DAB1: variants seen among roughly 807,000 people sequenced by gnomAD.
The protein encoded by DAB1 is disabled homolog 1.
In DAB1, 15 loss-of-function variants were observed where a neutral mutation model predicts 64.6. The ratio of observed to expected loss-of-function variants is 0.23; its 90% CI spans 0.16 to 0.36. The LOEUF is 0.36. DAB1 is among the 10% of genes least tolerant of loss of function. The probability of loss-of-function intolerance (pLI) is 1.00; values close to 1 mark genes in which losing one functional copy is unlikely to be tolerated. For missense variants in DAB1, 596 were observed against 706.7 expected (o/e 0.84, Z 1.78); for synonymous variants, 235 against 251.9 (o/e 0.93, Z 0.64).
rs150745093 is a variant in DAB1 at position 57,416,026 on chromosome 1, G to A, written c.-137+7904C>T. Among the ~76,000 whole-genome samples the A allele has an allele frequency of 9.7e-3, 1,479 of 152,224 alleles. 30 individuals are homozygous for A. The highest frequency in any genetic ancestry group is 0.034 in the African/African-American group (1,394 of 41,520). On this transcript the variant is annotated intron_variant, in intron 1 of 14. Coordinates refer to ENST00000371236, the MANE Select transcript of DAB1 (RefSeq NM_001365792.1). Reference sequence around the variant, plus strand: ...ACCCCATGAGAGAAGGTAATCTACTGTCTCCCACACAGCCATGATTTTGTA... The same window carrying A: ...ACCCCATGAGAGAAGGTAATCTACTATCTCCCACACAGCCATGATTTTGTA...
intron 2 of DAB1, among the ~76,000 whole-genome samples, chr1:57,189,122 CTCTTTCCTCT>C (rs1267390959): frequency 6.6e-6 from 1 of 152,172 alleles, no homozygotes; most frequent in Non-Finnish European, 1.5e-5. Context: ...TAACCTCCTT[CTCTTTCCTCT>C]TCTTTCCTCT....
intron 1 of DAB1, among the ~76,000 whole-genome samples, chr1:57,402,383 TA>T (rs1290422735): frequency 2.6e-5 from 4 of 152,220 alleles, no homozygotes; most frequent in Non-Finnish European, 4.4e-5. Flanking sequence ...CTTTGCTGAT[TA>T]AATAAATAGC....
intron 1 of DAB1, among the ~76,000 whole-genome samples, chr1:57,404,597 T>C (rs1683488359): frequency 6.6e-6 from 1 of 152,182 alleles, no homozygotes; most frequent in South Asian, 2.1e-4. Flanking sequence ...TTTTATGCTT[T>C]TTTTGTGTTT....
intron 6 of DAB1, among the ~76,000 whole-genome samples, chr1:57,720,457 T>G (rs3118023): frequency 2.0e-5 from 3 of 152,160 alleles, no homozygotes; most frequent in Non-Finnish European, 2.9e-5. Context: ...AGGGAAGTGT[T>G]CCCAAGGTCT....
intron 14 of DAB1, among the ~76,000 whole-genome samples, chr1:56,999,353 G>A (rs553448539): frequency 6.6e-6 from 1 of 152,116 alleles, no homozygotes. Flanking sequence ...CTGAAAACAG[G>A]GTCCAGGGGC....
At chr1:57,949,459 TTATCTATC>T (rs71051263) in intron 5 of DAB1, among the ~76,000 whole-genome samples, 12,385 of 146,300 alleles carry the variant, frequency 0.085, 562 homozygotes, top group African/African-American at 0.092. Context: ...AAGCAATTCT[TTATCTATC>T]TATCTATCTA....
At chr1:58,070,113 G>A (rs953790788) in intron 5 of DAB1, among the ~76,000 whole-genome samples, 5 of 152,204 alleles carry the variant, frequency 3.3e-5, no homozygotes, top group Non-Finnish European at 7.3e-5. Context: ...TCAGATGCTT[G>A]CTGCCCTAAT....
chr1:57,465,082 T>C (rs1686910949), intron 7 of DAB1, among the ~76,000 whole-genome samples: 1 of 152,202 alleles, frequency 6.6e-6, no homozygotes, highest in Non-Finnish European at 1.5e-5. Flanking sequence ...CTCAGCTTTT[T>C]AACATACAGA....
rs182799803 is a variant in DAB1, at chr1:58,133,036, A to T, written n.387+17475T>A. Among the ~76,000 whole-genome samples, 8 of 152,282 alleles carry T rather than the reference A, an allele frequency of 5.3e-5. No homozygotes were observed. In the East Asian group the frequency reaches 1.5e-3, roughly 29 times the overall value. On this transcript the variant is annotated intron_variant and non_coding_transcript_variant, in intron 5 of 20. Transcript: ENST00000485760. ...GTATTTACATACAAAAAGCTGACAG[A>T]TCATTATCAGTTATTTCTTAAAAAC...
intron 7 of DAB1, among the ~76,000 whole-genome samples, chr1:57,594,301 C>T (rs1462250058): frequency 1.3e-5 from 2 of 152,174 alleles, no homozygotes; most frequent in African/African-American, 4.8e-5. Context: ...TCAAGGCTGC[C>T]TTAGGCTATG....
chr1:58,536,551 C>T lies in DAB1; in HGVS notation n.33-9216G>A. 3 of 872,838 alleles carry T rather than the reference C, an allele frequency of 3.4e-6. No individual in the cohort carries two copies. In the South Asian group the frequency reaches 3.9e-5, roughly 11 times the overall value. The allele number at this position is 872,838 out of a possible 1,614,324, so 54.1% of individuals were successfully genotyped here. A position where few individuals can be genotyped will look rare whatever the true frequency, so the allele number is the denominator to read the frequency against. On this transcript the variant is annotated intron_variant and non_coding_transcript_variant, in intron 1 of 20. Transcript: ENST00000485760. ...AGTTCCGATAAAAGTCTGAACTGTT[C>T]TTTCCCCAATAATAGTAGCTTGCTC...
intron 4 of DAB1, among the ~76,000 whole-genome samples, chr1:57,123,609 T>G (rs921457319): frequency 3.3e-4 from 50 of 152,212 alleles, no homozygotes; most frequent in African/African-American, 1.2e-3. Flanking sequence ...AGAATTTCAA[T>G]GAAGGAAATA....
At chr1:57,064,538 G>T in intron 8 of DAB1, among the ~76,000 whole-genome samples, 1 of 152,160 alleles carries the variant, frequency 6.6e-6, no homozygotes, top group East Asian at 1.9e-4. Flanking sequence ...TGGCAGTAGA[G>T]ATATTTGCCC....
At chr1:57,088,351 G>A (rs919931129) in intron 4 of DAB1, among the ~76,000 whole-genome samples, 5 of 152,164 alleles carry the variant, frequency 3.3e-5, no homozygotes, top group African/African-American at 7.2e-5. Context: ...GATTACAGGC[G>A]TGAGCCAGTG....
At chr1:57,392,234 A>T (rs1288646558) in intron 1 of DAB1, among the ~76,000 whole-genome samples, 1 of 152,146 alleles carries the variant, frequency 6.6e-6, no homozygotes, top group African/African-American at 2.4e-5. Flanking sequence ...TCAACCAGGC[A>T]TGGTGGCACA....
At position 57,253,248 on chromosome 1, in the gene DAB1, T is replaced by A. The variant is rs569579066; in HGVS notation, c.67+37716A>T. Among the ~76,000 whole-genome samples, 312 of 152,274 alleles carry A rather than the reference T, an allele frequency of 2.0e-3. 2 individuals carry two copies. The highest frequency in any genetic ancestry group is 7.0e-3 in the African/African-American group (289 of 41,552). ...GGACGGAAGGGTAGCACTGTCCTCATCCCCATTACCGGCTGAGTGACTGTT... is the reference window on the plus strand; with the variant it reads ...GGACGGAAGGGTAGCACTGTCCTCAACCCCATTACCGGCTGAGTGACTGTT... On this transcript the variant is annotated intron_variant, in intron 2 of 14. Coordinates refer to ENST00000371236, the MANE Select transcript of DAB1 (RefSeq NM_001365792.1).
chr1:57,237,311 A>G (rs1668165788), intron 2 of DAB1, among the ~76,000 whole-genome samples: 1 of 152,224 alleles, frequency 6.6e-6, no homozygotes, highest in African/African-American at 2.4e-5. Flanking sequence ...GAGACAATTC[A>G]TCTTTTCTTA....
chr1:57,539,525 T>C (rs1441150625), intron 7 of DAB1, among the ~76,000 whole-genome samples: 2 of 152,200 alleles, frequency 1.3e-5, no homozygotes, highest in Non-Finnish European at 2.9e-5. Context: ...TCTTTTGTTA[T>C]CTAAAAAATT....
rs570076608 is a variant in DAB1, at chr1:57,943,307, C to A, written n.388-59145G>T. ...GCAAGAGTAAACCCAATTGCACACTCAATTACGTGGTTTAAAAAAAGTCAA... is the reference window on the plus strand; with the variant it reads ...GCAAGAGTAAACCCAATTGCACACTAAATTACGTGGTTTAAAAAAAGTCAA... On this transcript the variant is annotated intron_variant and non_coding_transcript_variant, in intron 5 of 20. Coordinates refer to the DAB1 transcript ENST00000485760. Among the ~76,000 whole-genome samples the A allele has an allele frequency of 1.5e-3, 227 of 152,296 alleles. 2 individuals carry two copies. The highest frequency in any genetic ancestry group is 5.4e-3 in the African/African-American group (223 of 41,560).
Sources: allele counts gnomAD v4.1 joint callset (sites outside exome capture counted in the v4.1 genomes callset), GRCh38; gene constraint gnomAD v4.1.1; transcripts MANE v1.5; gene names NCBI Gene and HGNC (gene_info 2026-07-23, HGNC 2026-07-21).